Variants in SBF2 observed in about 807,000 individuals in gnomAD.
SBF2 encodes the protein myotubularin-related protein 13.
SBF2 carries 112 observed loss-of-function variants against 225.2 expected under a neutral mutation model. The observed-to-expected ratio is 0.50, with a 90% CI of 0.43 to 0.58. The LOEUF (loss-of-function observed/expected upper bound fraction) is 0.58, where lower values mean the gene tolerates loss of function less well. Ranked by LOEUF, SBF2 falls within the 20% of genes least tolerant of loss-of-function variation. The pLI, the probability that SBF2 is intolerant of heterozygous loss-of-function variation, is 0.00. For synonymous variants in SBF2, 763 were observed against 773.3 expected, an observed-to-expected ratio of 0.99 and a Z score of 0.22; for missense variants, 1,996 against 2,206.2, an observed-to-expected ratio of 0.90 and a Z score of 1.91.
At position 9,816,953 on chromosome 11, in the gene SBF2, G is replaced by A. The variant is rs145107442; in HGVS notation, c.3865C>T (p.Arg1289Trp). The stretch of plus-strand genomic sequence containing the variant: ...GCCGAGTGATCCTTGCCTGCCAGCC[G>A]GGCGCCAACATCAATGAAGGATGTT... The part of the protein sequence containing the change: ...SPTSFIDVGA[R>W]LAGKDHSASF... The change falls in exon 29 of 40, where the codon CGG (arginine) becomes TGG (tryptophan). Residue 1289 changes from arginine (R) to tryptophan (W), a missense_variant. By Grantham distance (101) the Arg-to-Trp change is moderately radical (BLOSUM62 -3). Coordinates refer to ENST00000256190, the MANE Select transcript of SBF2 (RefSeq NM_030962.4). 4.2e-5 allele frequency: 67 copies of A among 1,613,976 alleles called. No individual in the cohort carries two copies. The highest frequency in any genetic ancestry group is 1.6e-4 in the Middle Eastern group (1 of 6,084).
intron 1 of SBF2, among the ~76,000 whole-genome samples, chr11:10,209,588 G>C (rs905055124): frequency 2.0e-5 from 3 of 151,900 alleles, no homozygotes; most frequent in African/African-American, 7.2e-5. Flanking sequence ...TATTTCTCAA[G>C]CTCCCAATGC....
chr11:10,233,612 CAAA>C (rs35039499), intron 1 of SBF2, among the ~76,000 whole-genome samples: 6 of 134,246 alleles, frequency 4.5e-5, no homozygotes, highest in Non-Finnish European at 6.4e-5. Context: ...GATAATTCTC[CAAA>C]AAAAAAAAAA....
intron 17 of SBF2, among the ~76,000 whole-genome samples, chr11:9,858,670 C>T (rs1433533373): frequency 6.6e-6 from 1 of 152,080 alleles, no homozygotes; most frequent in African/African-American, 2.4e-5. Flanking sequence ...TTAGAAAATA[C>T]AGGAAAAGGA....
intron 1 of SBF2, among the ~76,000 whole-genome samples, chr11:10,210,583 C>A (rs1400863361): frequency 1.3e-5 from 2 of 152,026 alleles, no homozygotes; most frequent in African/African-American, 2.4e-5. Context: ...GACAACTGGC[C>A]GTTTCTACCA....
In SBF2 at chr11:9,785,213, G is replaced by T. The variant is rs1852290531; in HGVS notation, c.5143C>A (p.Gln1715Lys). 1 of 1,614,140 alleles carries T rather than the reference G, an allele frequency of 6.2e-7. No homozygotes were observed. The highest frequency in any genetic ancestry group is 1.3e-5 in the African/African-American group (1 of 75,038). ...TTGGATGGGGAGATGCTGGAATTCT[G>T]TTCCTCCCCCATGCTGCTGTCTGGG... ...HLPDSSMGEEQNSSISPSNGV... is the reference protein window; with the variant it reads ...HLPDSSMGEEKNSSISPSNGV... The change falls in exon 37 of 40, where the codon CAG becomes AAG. Residue 1715 changes from glutamine (Q) to lysine (K), a missense_variant. By Grantham distance (53) the Gln-to-Lys change is moderately conservative. Transcript: ENST00000256190.
At chr11:10,001,167 G>A in intron 7 of SBF2, 145 bp from the exon 8 acceptor site, 3 of 596,814 alleles carry the variant, frequency 5.0e-6, no homozygotes, top group Non-Finnish European at 6.1e-6. Flanking sequence ...CTAAAATTTT[G>A]GAAAAAATGA....
intron 2 of SBF2, among the ~76,000 whole-genome samples, chr11:10,103,518 A>C (rs560393792): frequency 6.6e-6 from 1 of 152,362 alleles, no homozygotes; most frequent in South Asian, 2.1e-4. Context: ...GTGCCACAAA[A>C]GTAACAAATT....
At chr11:9,955,918 C>A (rs1332798616) in intron 16 of SBF2, among the ~76,000 whole-genome samples, 1 of 151,952 alleles carries the variant, frequency 6.6e-6, no homozygotes, top group East Asian at 1.9e-4. Flanking sequence ...GATTAAATAT[C>A]CTTAAATAGT....
intron 13 of SBF2, among the ~76,000 whole-genome samples, chr11:9,970,481 CTT>C (rs1410408152): frequency 6.6e-6 from 1 of 152,136 alleles, no homozygotes; most frequent in Admixed American, 6.5e-5. Context: ...CCTCTTGACA[CTT>C]AAAATGGCCA....
chr11:10,025,926 A>G (rs1381201360), intron 6 of SBF2, among the ~76,000 whole-genome samples: 2 of 152,002 alleles, frequency 1.3e-5, no homozygotes, highest in Non-Finnish European at 2.9e-5. Flanking sequence ...ATATTTGTGT[A>G]TCTTTTCAAG....
intron 2 of SBF2, among the ~76,000 whole-genome samples, chr11:10,084,892 T>C (rs1255474215): frequency 6.6e-6 from 1 of 152,100 alleles, no homozygotes; most frequent in African/African-American, 2.4e-5. Context: ...TTCACATGGA[T>C]GAGAGAGTGG....
chr11:9,830,850 A>T (rs975352765), intron 27 of SBF2, among the ~76,000 whole-genome samples: 6 of 152,168 alleles, frequency 3.9e-5, no homozygotes, highest in African/African-American at 1.2e-4. Context: ...AAATATAGTA[A>T]ATTTAAATTA....
chr11:10,300,811 C>CTTT (rs570381146), intron 1 of SBF2, among the ~76,000 whole-genome samples: 12 of 138,124 alleles, frequency 8.7e-5, no homozygotes, highest in East Asian at 2.1e-4. Flanking sequence ...CTCTCTCTCT[C>CTTT]TTTTTTTTTT....
chr11:10,100,281 C>A (rs11530489), intron 2 of SBF2, among the ~76,000 whole-genome samples: 1 of 152,200 alleles, frequency 6.6e-6, no homozygotes, highest in Non-Finnish European at 1.5e-5. Flanking sequence ...TAAATTGGCT[C>A]TGCCTAGGCA....
intron 32 of SBF2, among the ~76,000 whole-genome samples, chr11:9,802,106 T>C (rs1260893980): frequency 6.6e-6 from 1 of 152,252 alleles, no homozygotes; most frequent in Non-Finnish European, 1.5e-5. Context: ...ATAAAGGGGA[T>C]GCTTTCTTCA....
chr11:9,939,768 A>G (rs1038631019), intron 16 of SBF2, among the ~76,000 whole-genome samples: 1 of 152,194 alleles, frequency 6.6e-6, no homozygotes, highest in Non-Finnish European at 1.5e-5. Context: ...GTAAATAAAG[A>G]CGTATATACA....
At chr11:10,216,863 C>A (rs775617044) in intron 1 of SBF2, among the ~76,000 whole-genome samples, 43 of 151,904 alleles carry the variant, frequency 2.8e-4, no homozygotes, top group Admixed American at 6.6e-4. Context: ...AAAGGAGAAT[C>A]TGTCTCAAAA....
chr11:9,791,854 A>C (rs1411404112), intron 33 of SBF2, among the ~76,000 whole-genome samples: 1 of 152,230 alleles, frequency 6.6e-6, no homozygotes, highest in Non-Finnish European at 1.5e-5. Context: ...AATGAGCTGA[A>C]ACCAGAAGAG....
upstream of SBF2, among the ~76,000 whole-genome samples, chr11:10,295,663 T>TTG: frequency 6.6e-6 from 1 of 152,246 alleles, no homozygotes; most frequent in East Asian, 1.9e-4. Context: ...TCATCCAACT[T>TTG]GATCACTTTC....
Sources: allele counts gnomAD v4.1 joint callset (sites outside exome capture counted in the v4.1 genomes callset), GRCh38; gene constraint gnomAD v4.1.1; transcripts MANE v1.5; gene names NCBI Gene and HGNC (gene_info 2026-07-23, HGNC 2026-07-21).